MPZL1: variants seen among roughly 807,000 people sequenced by gnomAD.
MPZL1 encodes myelin protein zero like 1, also known as myelin protein zero-like protein 1.
A neutral mutation model predicts 29.3 loss-of-function variants in MPZL1; 16 were observed. The observed-to-expected ratio is 0.55, with a 90% CI of 0.37 to 0.83. MPZL1 has a LOEUF of 0.83. Ranked by LOEUF, MPZL1 falls within the 40% of genes least tolerant of loss-of-function variation. The pLI is 0.00. For synonymous variants in MPZL1, 143 were observed against 132.0 expected, an observed-to-expected ratio of 1.08 and a Z score of -0.57; for missense variants, 279 against 332.9, an observed-to-expected ratio of 0.84 and a Z score of 1.26.
chr1:167,746,155 C>G (rs908364445), intron 1 of MPZL1, among the ~76,000 whole-genome samples: 1 of 151,932 alleles, frequency 6.6e-6, no homozygotes, highest in Non-Finnish European at 1.5e-5. Context: ...TTGGAGTTGC[C>G]TTGAAGGAAG....
At chr1:167,727,866 C>A (rs1660181422) in intron 1 of MPZL1, among the ~76,000 whole-genome samples, 1 of 148,676 alleles carries the variant, frequency 6.7e-6, no homozygotes, top group Admixed American at 6.7e-5. Context: ...TTTTTTCTTT[C>A]TTTTCCTTTT....
intron 1 of MPZL1, among the ~76,000 whole-genome samples, chr1:167,757,240 C>T (rs1660887733): frequency 6.6e-6 from 1 of 152,174 alleles, no homozygotes; most frequent in Admixed American, 6.5e-5. Context: ...GTGTTATCTC[C>T]ACCAGCACAC....
intron 1 of MPZL1, among the ~76,000 whole-genome samples, chr1:167,739,191 C>T (rs1179493662): frequency 6.6e-6 from 1 of 150,606 alleles, no homozygotes; most frequent in Non-Finnish European, 1.5e-5. Context: ...TATCTGCCTG[C>T]CTTAGCCTAC....
chr1:167,769,476 A>T (rs1229296002), intron 2 of MPZL1, among the ~76,000 whole-genome samples: 1 of 152,172 alleles, frequency 6.6e-6, no homozygotes, highest in Non-Finnish European at 1.5e-5. Context: ...CATCCATGTG[A>T]GCCCCTCCAT....
At chr1:167,753,456 G>A (rs948127690) in intron 1 of MPZL1, among the ~76,000 whole-genome samples, 4 of 152,134 alleles carry the variant, frequency 2.6e-5, no homozygotes, top group African/African-American at 4.8e-5. Flanking sequence ...CATTAAAAAC[G>A]TGTCCAAAGG....
intron 1 of MPZL1, among the ~76,000 whole-genome samples, chr1:167,751,325 T>C (rs1457674838): frequency 2.6e-5 from 4 of 152,196 alleles, no homozygotes; most frequent in Non-Finnish European, 4.4e-5. Context: ...TCAAGGAACA[T>C]GGAGTAGTCA....
chr1:167,763,755 CTT>C (rs1031332545), intron 1 of MPZL1, among the ~76,000 whole-genome samples: 13 of 152,260 alleles, frequency 8.5e-5, no homozygotes, highest in African/African-American at 2.9e-4. Flanking sequence ...GCAAGGAACT[CTT>C]TTGTTTGCAT....
intron 1 of MPZL1, 113 bp downstream of exon 1, chr1:167,722,355 G>C: frequency 8.2e-7 from 1 of 1,225,618 alleles, no homozygotes; most frequent in Non-Finnish European, 1.0e-6. Context: ...GAGGTGGGGA[G>C]GGGGCGCGGC....
intron 2 of MPZL1, among the ~76,000 whole-genome samples, chr1:167,767,231 G>A (rs1351073560): frequency 6.6e-6 from 1 of 152,198 alleles, no homozygotes; most frequent in Non-Finnish European, 1.5e-5. Context: ...GGCATTCTCT[G>A]CTTCACGTAA....
At chr1:167,725,020 T>G (rs1008004694) in intron 1 of MPZL1, among the ~76,000 whole-genome samples, 1 of 152,196 alleles carries the variant, frequency 6.6e-6, no homozygotes, top group Non-Finnish European at 1.5e-5. Flanking sequence ...AATTTGGTAA[T>G]TGAAATGAGC....
chr1:167,761,974 A>G (rs544560787), intron 1 of MPZL1, among the ~76,000 whole-genome samples: 2 of 152,252 alleles, frequency 1.3e-5, no homozygotes, highest in East Asian at 3.9e-4. Context: ...CAGCTTAGGG[A>G]TCAGTGAACT....
chr1:167,780,822 G>A (rs1048206980), intron 5 of MPZL1, among the ~76,000 whole-genome samples: 8 of 152,106 alleles, frequency 5.3e-5, no homozygotes, highest in Non-Finnish European at 1.0e-4. Context: ...GGATGTAAAT[G>A]CACTTAACAC....
intron 1 of MPZL1, among the ~76,000 whole-genome samples, chr1:167,725,433 C>T (rs1241336131): frequency 1.3e-5 from 2 of 151,972 alleles, no homozygotes; most frequent in East Asian, 3.9e-4. Context: ...TACAGGCATG[C>T]ACCACCATGC....
At chr1:167,751,670 C>CAAA (rs397970508) in intron 1 of MPZL1, among the ~76,000 whole-genome samples, 1 of 72,160 alleles carries the variant, frequency 1.4e-5, no homozygotes, top group Non-Finnish European at 3.2e-5. Flanking sequence ...GACTCCATCT[C>CAAA]AAAAAAAAAA....
chr1:167,747,018 A>G (rs1660660074), intron 1 of MPZL1, among the ~76,000 whole-genome samples: 1 of 152,210 alleles, frequency 6.6e-6, no homozygotes, highest in Non-Finnish European at 1.5e-5. Context: ...CCACTGAGAT[A>G]TATAGAGAGT....
At chr1:167,725,895 C>T (rs549458926) in intron 1 of MPZL1, among the ~76,000 whole-genome samples, 7 of 152,360 alleles carry the variant, frequency 4.6e-5, no homozygotes, top group African/African-American at 1.4e-4. Context: ...GGATTACAGG[C>T]ATGAGCCACC....
At chr1:167,726,366 TTC>T in intron 1 of MPZL1, among the ~76,000 whole-genome samples, 1 of 152,358 alleles carries the variant, frequency 6.6e-6, no homozygotes, top group Non-Finnish European at 1.5e-5. Flanking sequence ...ATGGTTTTTC[TTC>T]TCTTTTTTTT....
In MPZL1 at chr1:167,743,458, G is replaced by A. The variant is rs576182806; in HGVS notation, c.91+21216G>A. 2.4e-4 allele frequency among the ~76,000 whole-genome samples: 36 copies of A among 151,940 alleles called. No homozygotes were observed. In the South Asian group the frequency reaches 6.0e-3, roughly 26 times the overall value. ...CTTGACCTCGTGACCCTCCCGCCTC[G>A]GCCTCCCAAAGTACTGAGATTACAG... On this transcript the variant is annotated intron_variant, in intron 1 of 5. Transcript: ENST00000359523.
At chr1:167,734,897 A>G (rs528940087) in intron 1 of MPZL1, among the ~76,000 whole-genome samples, 1 of 152,294 alleles carries the variant, frequency 6.6e-6, no homozygotes, top group East Asian at 1.9e-4. Flanking sequence ...ACATTTCTCC[A>G]TTCCAATATT....
Sources: allele counts gnomAD v4.1 joint callset (sites outside exome capture counted in the v4.1 genomes callset), GRCh38; gene constraint gnomAD v4.1.1; transcripts MANE v1.5; gene names NCBI Gene and HGNC (gene_info 2026-07-23, HGNC 2026-07-21).